Variants in ABCD2 observed in about 807,000 individuals in gnomAD.
The protein encoded by ABCD2 is ATP binding cassette subfamily D member 2.
Under a neutral mutation model 70.9 loss-of-function variants are expected in ABCD2, and 36 were observed. That is an observed-to-expected ratio of 0.51 (90% CI 0.39 to 0.67). The LOEUF (loss-of-function observed/expected upper bound fraction) is 0.67, where lower values mean the gene tolerates loss of function less well. Ranked by LOEUF, ABCD2 falls within the 30% of genes least tolerant of loss-of-function variation. The probability of loss-of-function intolerance (pLI) is 0.00; values close to 1 mark genes in which losing one functional copy is unlikely to be tolerated. For synonymous variants in ABCD2, 304 were observed against 306.9 expected, an observed-to-expected ratio of 0.99 and a Z score of 0.10; for missense variants, 729 against 890.2, an observed-to-expected ratio of 0.82 and a Z score of 2.30.
chr12:39,591,312 T>C (rs1591987125), intron 6 of ABCD2, among the ~76,000 whole-genome samples: 1 of 152,142 alleles, frequency 6.6e-6, no homozygotes, highest in Non-Finnish European at 1.5e-5. Context: ...AAATAGATAT[T>C]TACTATTACT....
chr12:39,614,183 A>G (rs1251239208), intron 2 of ABCD2, among the ~76,000 whole-genome samples: 1 of 152,246 alleles, frequency 6.6e-6, no homozygotes, highest in Non-Finnish European at 1.5e-5. Context: ...GTCACAGTCT[A>G]GAAAGCAAAG....
In ABCD2 at chr12:39,604,732, G is replaced by A. The variant is rs750917560; in HGVS notation, c.1405+30C>T. On this transcript the variant is annotated intron_variant, in intron 4 of 9. Transcript: ENST00000308666. ...TTCTGTTGATAAATACTTAAATATA[G>A]GAAAATATAAAAGCACTTGAGTTTA... 5.4e-6 allele frequency: 8 copies of A among 1,493,800 alleles called. No homozygotes were observed. The African/African-American group carries it at 1.1e-4, about 21-fold the overall frequency. The allele number at this position is 1,493,800 out of a possible 1,614,324, so 92.5% of individuals were successfully genotyped here.
the ABCD2 span, among the ~76,000 whole-genome samples, chr12:39,534,890 AAGAAAG>A: frequency 7.1e-5 from 1 of 14,144 alleles, no homozygotes; most frequent in Non-Finnish European, 1.2e-4. Flanking sequence ...GAAGGAAAGA[AAGAAAG>A]AAAGAAAGAA....
intron 9 of ABCD2, among the ~76,000 whole-genome samples, chr12:39,563,703 G>T (rs934560167): frequency 6.6e-6 from 1 of 152,086 alleles, no homozygotes; most frequent in Non-Finnish European, 1.5e-5. Context: ...GTATACATGT[G>T]CCATGTTGGT....
intron 3 of ABCD2, among the ~76,000 whole-genome samples, chr12:39,605,271 A>G (rs1297786552): frequency 1.3e-5 from 2 of 152,080 alleles, no homozygotes; most frequent in Non-Finnish European, 2.9e-5. Context: ...AGGTCATTCA[A>G]TGAAATTATA....
At chr12:39,613,415 A>G (rs1165939811) in intron 2 of ABCD2, among the ~76,000 whole-genome samples, 1 of 150,866 alleles carries the variant, frequency 6.6e-6, no homozygotes, top group Non-Finnish European at 1.5e-5. Context: ...AAAAAAAAAA[A>G]AAGAATTGAG....
At chr12:39,587,122 T>C (rs138736264) in intron 6 of ABCD2, among the ~76,000 whole-genome samples, 11 of 152,334 alleles carry the variant, frequency 7.2e-5, no homozygotes, top group Non-Finnish European at 1.5e-4. Context: ...AGGTTATTCA[T>C]TACAGCTTAT....
chr12:39,616,850 A>G (rs1942121958), intron 2 of ABCD2, 138 bp downstream of exon 2: 2 of 696,204 alleles, frequency 2.9e-6, no homozygotes, highest in Admixed American at 3.6e-5. Flanking sequence ...TGGACGCTGT[A>G]AAGTCTGCCA....
chr12:39,563,290 C>G (rs960023533), intron 9 of ABCD2, among the ~76,000 whole-genome samples: 2 of 152,034 alleles, frequency 1.3e-5, no homozygotes, highest in Admixed American at 1.3e-4. Context: ...CTTCGGGAGG[C>G]CAAGGTGGGA....
At chr12:39,555,010 T>C (rs1446583665) in intron 9 of ABCD2, among the ~76,000 whole-genome samples, 1 of 152,210 alleles carries the variant, frequency 6.6e-6, no homozygotes, top group Non-Finnish European at 1.5e-5. Flanking sequence ...TGGGCTTTTT[T>C]CAAGCAGTTT....
At chr12:39,554,652 T>A (rs545293619) in intron 9 of ABCD2, among the ~76,000 whole-genome samples, 58 of 152,292 alleles carry the variant, frequency 3.8e-4, no homozygotes, top group African/African-American at 1.3e-3. Flanking sequence ...ATAGAAGAAA[T>A]GTTTTAAAGA....
the ABCD2 span, among the ~76,000 whole-genome samples, chr12:39,531,513 A>G: frequency 3.3e-5 from 5 of 152,228 alleles, no homozygotes; most frequent in Non-Finnish European, 4.4e-5. Context: ...AAGTTTTGAA[A>G]CAGGTAAATG....
At chr12:39,584,857 A>G (rs889153815) in intron 7 of ABCD2, among the ~76,000 whole-genome samples, 2 of 151,860 alleles carry the variant, frequency 1.3e-5, no homozygotes, top group African/African-American at 2.4e-5. Context: ...TGTGCTCTCC[A>G]TTCTGTTTCA....
Position 39,579,553 on chromosome 12 carries a change from G to T in ABCD2, c.1859C>A (p.Ala620Asp), listed in dbSNP as rs1456184553. 1 of 1,612,788 alleles carries T rather than the reference G, an allele frequency of 6.2e-7. No individual in the cohort carries two copies. The highest frequency in any genetic ancestry group is 8.5e-7 in the Non-Finnish European group (1 of 1,179,110). ...SGGEKQRMGMARMFYHKPKYA... is the reference protein window; with the variant it reads ...SGGEKQRMGMDRMFYHKPKYA... ...TACTTACTTATGATAAAACATACGAGCCATGCCCATTCTTTGCTTTTCCCC... is the reference window on the plus strand; with the variant it reads ...TACTTACTTATGATAAAACATACGATCCATGCCCATTCTTTGCTTTTCCCC... Residue 620 changes from alanine to aspartate, a missense_variant, in exon 8 of 10, where the codon GCT becomes GAT. By Grantham distance (126) the Ala-to-Asp change is moderately radical. Coordinates refer to ENST00000308666, the MANE Select transcript of ABCD2 (RefSeq NM_005164.4).
intron 7 of ABCD2, among the ~76,000 whole-genome samples, chr12:39,585,487 C>G (rs1330498575): frequency 2.0e-5 from 3 of 152,012 alleles, no homozygotes; most frequent in African/African-American, 7.2e-5. Flanking sequence ...TCCTCTCTTC[C>G]TATGTGAATG....
the ABCD2 span, among the ~76,000 whole-genome samples, chr12:39,542,329 G>A: frequency 6.6e-6 from 1 of 152,030 alleles, no homozygotes; most frequent in African/African-American, 2.4e-5. Flanking sequence ...CAGTTGTGGT[G>A]GCACGAACCT....
At chr12:39,549,794 T>A, downstream of ABCD2, among the ~76,000 whole-genome samples, 1 of 151,902 alleles carries the variant, frequency 6.6e-6, no homozygotes, top group Non-Finnish European at 1.5e-5. Context: ...ATTGCTCATG[T>A]CAAATTTCAG....
chr12:39,531,290 G>A, the ABCD2 span, among the ~76,000 whole-genome samples: 2 of 152,068 alleles, frequency 1.3e-5, no homozygotes, highest in East Asian at 3.9e-4. Flanking sequence ...CTCTAAAATT[G>A]CTGCGTTAAA....
the ABCD2 span, among the ~76,000 whole-genome samples, chr12:39,543,202 G>C: frequency 6.6e-6 from 1 of 152,118 alleles, no homozygotes; most frequent in Non-Finnish European, 1.5e-5. Context: ...TATAAGGACA[G>C]AGAATTTTCA....
Sources: allele counts gnomAD v4.1 joint callset (sites outside exome capture counted in the v4.1 genomes callset), GRCh38; gene constraint gnomAD v4.1.1; transcripts MANE v1.5; gene names NCBI Gene and HGNC (gene_info 2026-07-23, HGNC 2026-07-21).